Variants in HS6ST3 observed in about 807,000 individuals in gnomAD.
HS6ST3 encodes the protein heparan sulfate 6-O-sulfotransferase 3.
HS6ST3 carries 12 observed loss-of-function variants against 36.7 expected under a neutral mutation model. That is an observed-to-expected ratio of 0.33 (90% CI 0.21 to 0.53). HS6ST3 has a LOEUF of 0.53. Among genes scored for constraint, HS6ST3 ranks in the 20% least tolerant of loss-of-function variants. The pLI, the probability that HS6ST3 is intolerant of heterozygous loss-of-function variation, is 0.95. For synonymous variants in HS6ST3, 240 were observed against 257.5 expected (o/e 0.93, Z 0.65); for missense variants, 584 against 640.9 (o/e 0.91, Z 0.96).
chr13:96,627,656 GC>G (rs1340163300), intron 1 of HS6ST3, among the ~76,000 whole-genome samples: 1 of 151,512 alleles, frequency 6.6e-6, no homozygotes, highest in African/African-American at 2.4e-5. Context: ...AGTTATTCAG[GC>G]CTGCTATTTT....
chr13:96,460,402 A>G (rs2055778439), intron 1 of HS6ST3, among the ~76,000 whole-genome samples: 1 of 152,180 alleles, frequency 6.6e-6, no homozygotes, highest in African/African-American at 2.4e-5. Flanking sequence ...TAGTTTGGTA[A>G]CTAAACTTTA....
At chr13:96,203,284 A>G (rs1399603956) in intron 1 of HS6ST3, among the ~76,000 whole-genome samples, 1 of 152,162 alleles carries the variant, frequency 6.6e-6, no homozygotes, top group Non-Finnish European at 1.5e-5. Flanking sequence ...TCTGGTGAGG[A>G]TCCTCTTTCT....
chr13:96,655,510 A>G (rs1231977868), intron 1 of HS6ST3, among the ~76,000 whole-genome samples: 2 of 152,090 alleles, frequency 1.3e-5, no homozygotes, highest in Admixed American at 6.6e-5. Flanking sequence ...ATTTGTATCT[A>G]TCCTGAAATT....
intron 1 of HS6ST3, among the ~76,000 whole-genome samples, chr13:96,776,922 C>T (rs1315033551): frequency 1.3e-5 from 2 of 152,174 alleles, no homozygotes; most frequent in Non-Finnish European, 2.9e-5. Context: ...CCCTTATGAA[C>T]ATTGATGCAA....
chr13:96,233,137 G>A (rs1278466819), intron 1 of HS6ST3, among the ~76,000 whole-genome samples: 5 of 152,098 alleles, frequency 3.3e-5, no homozygotes, highest in Non-Finnish European at 5.9e-5. Flanking sequence ...TCTAATTGTA[G>A]TGTGGAAATA....
Position 96,818,065 on chromosome 13 carries a change from T to A in HS6ST3, c.708-14425T>A, listed in dbSNP as rs572189677. On this transcript the variant is annotated intron_variant, in intron 1 of 1. Transcript: ENST00000376705. ...TGTTTTAAAATCTCTAAGAAATGAA[T>A]GTTGAAAGCTATTACCTCTGGAAGC... Among the ~76,000 whole-genome samples, 4 of 152,310 alleles carry A rather than the reference T, an allele frequency of 2.6e-5. No homozygotes were observed. In the East Asian group the frequency reaches 7.7e-4, roughly 29 times the overall value.
At chr13:96,418,764 A>T (rs1476683544) in intron 1 of HS6ST3, among the ~76,000 whole-genome samples, 1 of 152,176 alleles carries the variant, frequency 6.6e-6, no homozygotes, top group African/African-American at 2.4e-5. Context: ...AAGCTGTCTG[A>T]GCTCTACCAG....
chr13:96,174,141 CA>C (rs1309490610), intron 1 of HS6ST3, among the ~76,000 whole-genome samples: 1 of 151,950 alleles, frequency 6.6e-6, no homozygotes, highest in Non-Finnish European at 1.5e-5. Flanking sequence ...ATTTTATTTC[CA>C]ATGCAACTAT....
At chr13:96,282,914 A>G (rs1325445885) in intron 1 of HS6ST3, among the ~76,000 whole-genome samples, 1 of 152,198 alleles carries the variant, frequency 6.6e-6, no homozygotes, top group Non-Finnish European at 1.5e-5. Context: ...TGTTTAATGT[A>G]AAATAGCAAA....
In HS6ST3 at chr13:96,795,616, A is replaced by G. The variant is rs1309669540; in HGVS notation, c.708-36874A>G. On this transcript the variant is annotated intron_variant, in intron 1 of 1. Transcript: ENST00000376705. The stretch of plus-strand genomic sequence containing the variant: ...TTTTTCAAACAAAAATGCAACAGGA[A>G]TATAACTGTAAAATTATGTTGAAAG... Among the ~76,000 whole-genome samples, 3 of 152,156 alleles carry G rather than the reference A, an allele frequency of 2.0e-5. No individual in the cohort carries two copies. The South Asian group carries it at 6.2e-4, about 31-fold the overall frequency.
rs2053753923 is a variant in HS6ST3 at position 96,090,320 on chromosome 13, C to A, written c.-543C>A. 6.7e-6 allele frequency among the ~76,000 whole-genome samples: 1 copy of A among 148,250 alleles called. No individual in the cohort carries two copies. The highest frequency in any genetic ancestry group is 2.4e-5 in the African/African-American group (1 of 40,994). On this transcript the variant is annotated 5_prime_UTR_variant, in exon 1 of 2. Transcript: ENST00000376705. Reference sequence around the variant, plus strand: ...CGCGGCTCCACAGCCCCGCGACCTGCCGGCAAAGGCGCCGGGCGCGCGTGC... The same window carrying A: ...CGCGGCTCCACAGCCCCGCGACCTGACGGCAAAGGCGCCGGGCGCGCGTGC...
intron 1 of HS6ST3, among the ~76,000 whole-genome samples, chr13:96,119,954 A>G (rs866930436): frequency 3.7e-4 from 57 of 152,076 alleles, no homozygotes; most frequent in African/African-American, 1.4e-3. Context: ...CCAGAAAATC[A>G]GTTGAAGTTC....
intron 1 of HS6ST3, among the ~76,000 whole-genome samples, chr13:96,706,509 T>C (rs112566935): frequency 0.015 from 2,312 of 149,748 alleles, 62 homozygotes; most frequent in African/African-American, 0.053. Flanking sequence ...ATTGAGGCTC[T>C]CAGGAGGTGG....
chr13:96,567,356 G>T (rs1203936350), intron 1 of HS6ST3, among the ~76,000 whole-genome samples: 1 of 152,076 alleles, frequency 6.6e-6, no homozygotes, highest in African/African-American at 2.4e-5. Context: ...GAGAGGGGGT[G>T]GTAGAGGTAG....
intron 1 of HS6ST3, among the ~76,000 whole-genome samples, chr13:96,479,813 T>G (rs1160542968): frequency 3.3e-5 from 5 of 152,232 alleles, no homozygotes; most frequent in Non-Finnish European, 5.9e-5. Flanking sequence ...TCGTCCTACA[T>G]GCTTAGCAAT....
intron 1 of HS6ST3, among the ~76,000 whole-genome samples, chr13:96,575,635 T>A (rs555333991): frequency 6.6e-6 from 1 of 152,362 alleles, no homozygotes; most frequent in Admixed American, 6.5e-5. Context: ...CCTAACAGGT[T>A]TGGAATCTTC....
intron 1 of HS6ST3, among the ~76,000 whole-genome samples, chr13:96,816,053 G>A (rs1232548830): frequency 1.3e-5 from 2 of 152,112 alleles, no homozygotes; most frequent in Non-Finnish European, 2.9e-5. Flanking sequence ...TCCCCAGATC[G>A]TGGCTGCAAT....
At chr13:96,546,624 G>T (rs1484012717) in intron 1 of HS6ST3, among the ~76,000 whole-genome samples, 1 of 152,098 alleles carries the variant, frequency 6.6e-6, no homozygotes. Context: ...TTTTTATGGG[G>T]TTGAAAAATT....
intron 1 of HS6ST3, among the ~76,000 whole-genome samples, chr13:96,171,813 T>C (rs568429358): frequency 6.6e-6 from 1 of 152,322 alleles, no homozygotes; most frequent in East Asian, 1.9e-4. Context: ...TATTTATATT[T>C]AATTCATAAA....
Sources: allele counts gnomAD v4.1 joint callset (sites outside exome capture counted in the v4.1 genomes callset), GRCh38; gene constraint gnomAD v4.1.1; transcripts MANE v1.5; gene names NCBI Gene and HGNC (gene_info 2026-07-23, HGNC 2026-07-21).